SLC12A6: variants seen among roughly 807,000 people sequenced by gnomAD.
SLC12A6 encodes K-Cl cotransporter 3.
In SLC12A6, 66 loss-of-function variants were observed where a neutral mutation model predicts 135.3. That is an observed-to-expected ratio of 0.49 (90% confidence interval 0.40 to 0.60). The LOEUF (loss-of-function observed/expected upper bound fraction) is 0.60, where lower values mean the gene tolerates loss of function less well. SLC12A6 is among the 20% of genes least tolerant of loss of function. SLC12A6 has a pLI of 0.00. For synonymous variants in SLC12A6, 513 were observed against 508.8 expected (o/e 1.01, Z -0.11); for missense variants, 1,058 against 1,452.3 (o/e 0.73, Z 4.41).
chr15:34,330,821 T>C (rs184365551), intron 2 of SLC12A6, among the ~76,000 whole-genome samples: 1 of 152,290 alleles, frequency 6.6e-6, no homozygotes, highest in Admixed American at 6.5e-5. Context: ...TATAGAAGAC[T>C]TATTTAAGAG....
Position 34,251,006 on chromosome 15 carries a change from G to A in SLC12A6, c.1385C>T (p.Ser462Leu). 1 of 1,611,304 alleles carries A rather than the reference G, an allele frequency of 6.2e-7. No homozygotes were observed. The highest frequency in any genetic ancestry group is 1.1e-5 in the South Asian group (1 of 91,014). ...GCCTAAGACATCAGAAGATTTGGCT[G>A]AAGGCTTTTCGATGATCTCTCCCTT... The part of the protein sequence containing the change: ...LPKGEIIEKP[S>L]AKSSDVLGSL... Residue 462 changes from serine to leucine, a missense_variant, in exon 11 of 26, where the codon TCA (serine) becomes TTA (leucine). By Grantham distance (145) the Ser-to-Leu change is moderately radical. Around this residue, in one of 6 missense-constraint regions of SLC12A6, gnomAD observed 297 missense variants for 318.5 expected, o/e 0.93. Transcript: ENST00000354181.
chr15:34,239,138 G>T lies in SLC12A6; in HGVS notation c.2459C>A (p.Ala820Glu). The change falls in exon 20 of 26, where the codon GCA (alanine) becomes GAA (glutamate). Residue 820 changes from alanine (A) to glutamate (E), a missense_variant. By Grantham distance (107) the Ala-to-Glu change is moderately radical. Transcript: ENST00000354181. ...CTGGCAGAATCCTTTTACCTTCTCT[G>T]CCTCCATTAGGTGCTTTATGGTCTG... is the stretch of plus-strand genomic sequence containing the variant. ...AEQTIKHLME[A>E]EKVKGFCQLV... 1 of 1,613,516 alleles carries T rather than the reference G, an allele frequency of 6.2e-7. No homozygotes were observed. Among genetic ancestry groups the T allele is most frequent in the Non-Finnish European group, 8.5e-7 (1 of 1,179,486 alleles).
chr15:34,233,911 A>G lies in SLC12A6; in HGVS notation c.3423T>C (p.Gly1141=), dbSNP rs757443429. The part of the protein sequence containing the change: ...GLERVLLVRG[G]GSEVITIYS ...AATAAATGGTGATCACTTCACTGCC[A>G]CCACCCCGGACAAGTAGGACTCGCT... The change falls in exon 26 of 26, where the codon GGT becomes GGC. Residue 1141 remains glycine (G), a synonymous_variant. Transcript: ENST00000354181. 6.2e-7 allele frequency: 1 copy of G among 1,604,756 alleles called. No individual in the cohort carries two copies. Among genetic ancestry groups the G allele is most frequent in the South Asian group, 1.1e-5 (1 of 90,894 alleles).
At chr15:34,312,850 C>G (rs2141084376) in intron 2 of SLC12A6, among the ~76,000 whole-genome samples, 1 of 152,294 alleles carries the variant, frequency 6.6e-6, no homozygotes, top group Non-Finnish European at 1.5e-5. Context: ...ATATTTCTAA[C>G]TTTTTCATTA....
intron 3 of SLC12A6, among the ~76,000 whole-genome samples, chr15:34,271,341 T>G (rs913967268): frequency 6.6e-6 from 1 of 151,822 alleles, no homozygotes; most frequent in Non-Finnish European, 1.5e-5. Context: ...CGTTCAGGAT[T>G]GTAGATATGT....
intron 22 of SLC12A6, 99 bp downstream of exon 22, chr15:34,237,320 T>C (rs1435002125): frequency 7.5e-6 from 8 of 1,070,306 alleles, no homozygotes; most frequent in Non-Finnish European, 9.9e-6. Context: ...TTAATCCACA[T>C]TTAGATCTGA....
At chr15:34,292,608 A>G (rs1895616750) in intron 2 of SLC12A6, among the ~76,000 whole-genome samples, 1 of 152,204 alleles carries the variant, frequency 6.6e-6, no homozygotes, top group South Asian at 2.1e-4. Flanking sequence ...GGTGGAATCT[A>G]GAGAAGCAGT....
chr15:34,334,917 A>G (rs1355255715), intron 2 of SLC12A6, among the ~76,000 whole-genome samples: 2 of 152,232 alleles, frequency 1.3e-5, no homozygotes, highest in African/African-American at 2.4e-5. Flanking sequence ...ACACATTACT[A>G]AGTCCACTTT....
chr15:34,281,780 C>A (rs12324469), intron 2 of SLC12A6, among the ~76,000 whole-genome samples: 5,980 of 152,106 alleles, frequency 0.039, 221 homozygotes, highest in African/African-American at 0.099. Flanking sequence ...GAGCAAGATT[C>A]TGTCTCAAAA....
At chr15:34,248,195 C>T (rs1189959587) in intron 13 of SLC12A6, among the ~76,000 whole-genome samples, 1 of 152,056 alleles carries the variant, frequency 6.6e-6, no homozygotes, top group South Asian at 2.1e-4. Context: ...AATCATTCTA[C>T]TAGCGATGGA....
chr15:34,242,652 C>T (rs1383909990), intron 16 of SLC12A6, among the ~76,000 whole-genome samples: 1 of 152,134 alleles, frequency 6.6e-6, no homozygotes, highest in East Asian at 1.9e-4. Flanking sequence ...GTTAATAACT[C>T]TAGGATCTTT....
chr15:34,327,362 T>TA (rs1219229524), intron 2 of SLC12A6, among the ~76,000 whole-genome samples: 1 of 152,120 alleles, frequency 6.6e-6, no homozygotes, highest in Non-Finnish European at 1.5e-5. Flanking sequence ...AAAAGGCTGT[T>TA]AAAAAAACAA....
chr15:34,233,562 A>T lies in SLC12A6; in HGVS notation c.*319T>A. Reference sequence around the variant, plus strand: ...TTGACTTGCTTTTTTTCTTCAGTTGAATTTCTAGCATCCCTTTTACCAATT... The same window carrying T: ...TTGACTTGCTTTTTTTCTTCAGTTGTATTTCTAGCATCCCTTTTACCAATT... On this transcript the variant is annotated 3_prime_UTR_variant, in exon 26 of 26. Transcript: ENST00000354181. The T allele has an allele frequency of 3.2e-6, 1 of 308,022 alleles. No individual in the cohort carries two copies. Among genetic ancestry groups the T allele is most frequent in the African/African-American group, 2.1e-5 (1 of 47,274 alleles). The allele number at this position is 308,022 out of a possible 1,614,324, so 19.1% of individuals were successfully genotyped here.
chr15:34,236,387 G>T lies in SLC12A6; in HGVS notation c.3043-188C>A, dbSNP rs73388027. ...TTGAGACAGAGTCTTCCTCTGTCAC[G>T]CAGGCTGGAGTGCAGTGGCGTGATC... On this transcript the variant is annotated intron_variant, in intron 23 of 25. Coordinates refer to ENST00000354181, the MANE Select transcript of SLC12A6 (RefSeq NM_001365088.1). Among the ~76,000 whole-genome samples, 16,881 of 151,508 alleles carry T rather than the reference G, an allele frequency of 0.11. 1,042 individuals are homozygous for T. Among genetic ancestry groups the T allele is most frequent in the East Asian group, 0.3 (1,533 of 5,132 alleles).
chr15:34,257,833 G>A, intron 5 of SLC12A6, 45 bp from the exon 6 acceptor site: 1 of 1,411,600 alleles, frequency 7.1e-7, no homozygotes, highest in South Asian at 1.2e-5. Context: ...TTATCCTAAA[G>A]AGAGGTTTTT....
chr15:34,322,755 A>G (rs1384716882), intron 2 of SLC12A6, among the ~76,000 whole-genome samples: 1 of 152,054 alleles, frequency 6.6e-6, no homozygotes, highest in Admixed American at 6.5e-5. Context: ...AGGTGGGCAG[A>G]TCACTTGAGG....
Position 34,242,093 on chromosome 15 carries a change from C to G in SLC12A6, c.2162+9G>C, listed in dbSNP as rs1172611670. On this transcript the variant is annotated intron_variant, in intron 17 of 25. Transcript: ENST00000354181. ...TTTTAGCAGTGATCAAGATTAAATCCACACTCACCCTTGGTATTCAATGTA... is the reference window on the plus strand; with the variant it reads ...TTTTAGCAGTGATCAAGATTAAATCGACACTCACCCTTGGTATTCAATGTA... The G allele has an allele frequency of 6.2e-7, 1 of 1,602,700 alleles. No individual in the cohort carries two copies. Among genetic ancestry groups the G allele is most frequent in the Non-Finnish European group, 8.5e-7 (1 of 1,169,994 alleles).
intron 2 of SLC12A6, among the ~76,000 whole-genome samples, chr15:34,321,264 G>A (rs946999814): frequency 1.3e-5 from 2 of 152,096 alleles, no homozygotes; most frequent in Non-Finnish European, 2.9e-5. Flanking sequence ...TCTCTCCTAC[G>A]GTGAACTATA....
intron 2 of SLC12A6, among the ~76,000 whole-genome samples, chr15:34,293,962 G>A (rs565046969): frequency 3.9e-5 from 6 of 152,226 alleles, no homozygotes; most frequent in African/African-American, 1.4e-4. Flanking sequence ...ACACAAAAAT[G>A]GCTCACACAT....
Sources: allele counts gnomAD v4.1 joint callset (sites outside exome capture counted in the v4.1 genomes callset), GRCh38; gene constraint gnomAD v4.1.1; regional missense constraint gnomAD v4.1.1; transcripts MANE v1.5; gene names NCBI Gene and HGNC (gene_info 2026-07-23, HGNC 2026-07-21).